Variants in RAP1A observed in about 807,000 individuals in gnomAD.
The protein encoded by RAP1A is ras-related protein Rap-1A.
RAP1A carries 6 observed loss-of-function variants against 26.4 expected under a neutral mutation model. The ratio of observed to expected loss-of-function variants is 0.23; its 90% CI spans 0.12 to 0.45. The LOEUF is 0.45. RAP1A is among the 20% of genes least tolerant of loss of function. The pLI is 0.99. For synonymous variants in RAP1A, 73 were observed against 79.4 expected (o/e 0.92, Z 0.43); for missense variants, 121 against 217.2 (o/e 0.56, Z 2.78).
chr1:111,633,485 T>A (rs1197019529), intron 1 of RAP1A, among the ~76,000 whole-genome samples: 1 of 152,220 alleles, frequency 6.6e-6, no homozygotes, highest in Admixed American at 6.5e-5. Flanking sequence ...AATCTTATAA[T>A]CAGACACACC....
intron 1 of RAP1A, among the ~76,000 whole-genome samples, chr1:111,634,801 C>G (rs1474331957): frequency 6.6e-6 from 1 of 151,850 alleles, no homozygotes; most frequent in Non-Finnish European, 1.5e-5. Context: ...CGCACCGCCA[C>G]GCCCAGCTAA....
chr1:111,605,460 T>A (rs1325136629), intron 1 of RAP1A, among the ~76,000 whole-genome samples: 1 of 152,226 alleles, frequency 6.6e-6, no homozygotes, highest in Non-Finnish European at 1.5e-5. Context: ...AGAGTGAATC[T>A]CTGTGTTAAG....
At chr1:111,671,634 G>A (rs2477428) in intron 1 of RAP1A, among the ~76,000 whole-genome samples, 9 of 151,812 alleles carry the variant, frequency 5.9e-5, no homozygotes, top group Non-Finnish European at 1.3e-4. Context: ...GCCACCACAC[G>A]TGGCTAATTT....
chr1:111,592,311 T>C (rs1658485772), intron 1 of RAP1A, among the ~76,000 whole-genome samples: 2 of 152,162 alleles, frequency 1.3e-5, no homozygotes, highest in Non-Finnish European at 2.9e-5. Flanking sequence ...CAAACATATA[T>C]GTTCACCAAT....
At position 111,712,891 on chromosome 1, in the gene RAP1A, TAAA is replaced by T. The variant is rs941913466; in HGVS notation, c.*494_*496del. On this transcript the variant is annotated 3_prime_UTR_variant, in exon 8 of 8. Coordinates refer to ENST00000369709, the MANE Select transcript of RAP1A (RefSeq NM_002884.4). ...TGAGTCATTGACTTCATTTTATATT[TAAA>T]AAATTATGGAATATCATCTGTCATT... The T allele has an allele frequency of 4.6e-5, 7 of 152,464 alleles. No individual in the cohort carries two copies. Among genetic ancestry groups the T allele is most frequent in the African/African-American group, 1.7e-4 (7 of 41,456 alleles). 9.4% of individuals were successfully genotyped at this position (152,464 alleles called of 1,614,324 possible).
chr1:111,655,243 G>GAAGA (rs1553220642), intron 1 of RAP1A, among the ~76,000 whole-genome samples: 7 of 96,140 alleles, frequency 7.3e-5, no homozygotes, highest in South Asian at 3.8e-4. Flanking sequence ...TGAAAAAAAA[G>GAAGA]AAAAAAAAAC....
intron 1 of RAP1A, among the ~76,000 whole-genome samples, chr1:111,652,464 T>A (rs1206278016): frequency 6.6e-6 from 1 of 152,068 alleles, no homozygotes; most frequent in Non-Finnish European, 1.5e-5. Flanking sequence ...CTAAGAATGG[T>A]TTTTACTTTT....
intron 6 of RAP1A, among the ~76,000 whole-genome samples, chr1:111,705,595 A>G (rs911444887): frequency 1.3e-5 from 2 of 152,228 alleles, no homozygotes; most frequent in African/African-American, 4.8e-5. Flanking sequence ...CAAGAAATTT[A>G]TAAATTGTAT....
intron 1 of RAP1A, among the ~76,000 whole-genome samples, chr1:111,590,789 T>C (rs777446231): frequency 6.6e-6 from 1 of 152,198 alleles, no homozygotes; most frequent in Non-Finnish European, 1.5e-5. Context: ...TTTAATGCAT[T>C]GCTAGATTTA....
intron 1 of RAP1A, among the ~76,000 whole-genome samples, chr1:111,552,619 C>A (rs972870686): frequency 6.6e-6 from 1 of 152,082 alleles, no homozygotes. Flanking sequence ...TAAAAGTCAC[C>A]TTTATCTATT....
At chr1:111,661,287 A>G (rs1382838371) in intron 1 of RAP1A, among the ~76,000 whole-genome samples, 1 of 152,208 alleles carries the variant, frequency 6.6e-6, no homozygotes, top group Admixed American at 6.5e-5. Context: ...GTCATTTTAC[A>G]AAGTTCATTT....
At chr1:111,563,378 GAAATAATTGGAA>G (rs1338622152) in intron 1 of RAP1A, among the ~76,000 whole-genome samples, 1 of 152,222 alleles carries the variant, frequency 6.6e-6, no homozygotes, top group Non-Finnish European at 1.5e-5. Flanking sequence ...ATTCACATAT[GAAATAATTGGAA>G]AACAGTATTC....
chr1:111,580,245 C>A (rs1176579836), intron 1 of RAP1A, among the ~76,000 whole-genome samples: 5 of 152,114 alleles, frequency 3.3e-5, no homozygotes, highest in African/African-American at 1.2e-4. Context: ...ATTAGGTAAA[C>A]TAAGGAGAAC....
chr1:111,554,511 C>G (rs1044296475), intron 1 of RAP1A, among the ~76,000 whole-genome samples: 2 of 152,170 alleles, frequency 1.3e-5, no homozygotes, highest in African/African-American at 4.8e-5. Context: ...CACTTGGCTA[C>G]AGGACAATAA....
intron 4 of RAP1A, among the ~76,000 whole-genome samples, chr1:111,698,109 A>G (rs887472557): frequency 2.0e-5 from 3 of 152,192 alleles, no homozygotes; most frequent in African/African-American, 7.2e-5. Flanking sequence ...ATTCTTCTTC[A>G]TTAATACCAT....
At chr1:111,542,997 G>A (rs1305968080) in intron 1 of RAP1A, among the ~76,000 whole-genome samples, 2 of 152,056 alleles carry the variant, frequency 1.3e-5, no homozygotes, top group African/African-American at 2.4e-5. Context: ...CATGGCGCCC[G>A]GCCATGTATT....
At chr1:111,684,965 C>T (rs907011000) in intron 1 of RAP1A, among the ~76,000 whole-genome samples, 1 of 152,106 alleles carries the variant, frequency 6.6e-6, no homozygotes, top group Non-Finnish European at 1.5e-5. Context: ...ACAGAGGCCT[C>T]AGAAATAACA....
chr1:111,608,930 C>A (rs1172631831), intron 1 of RAP1A, among the ~76,000 whole-genome samples: 1 of 152,204 alleles, frequency 6.6e-6, no homozygotes, highest in Non-Finnish European at 1.5e-5. Context: ...TGTCTCACTG[C>A]TGAGTTCTGC....
At chr1:111,685,159 A>G (rs1162543134) in intron 1 of RAP1A, among the ~76,000 whole-genome samples, 3 of 152,154 alleles carry the variant, frequency 2.0e-5, no homozygotes, top group African/African-American at 7.2e-5. Flanking sequence ...AAGCCCTAAA[A>G]CCATAAAAAC....
Sources: allele counts gnomAD v4.1 joint callset (sites outside exome capture counted in the v4.1 genomes callset), GRCh38; gene constraint gnomAD v4.1.1; transcripts MANE v1.5; gene names NCBI Gene and HGNC (gene_info 2026-07-23, HGNC 2026-07-21).